The following SEZ6L variants were observed in gnomAD, a reference collection of about 807,000 sequenced individuals.
SEZ6L encodes seizure 6-like protein.
A neutral mutation model predicts 106.2 loss-of-function variants in SEZ6L; 37 were observed. The ratio of observed to expected loss-of-function variants is 0.35; its 90% CI spans 0.27 to 0.46. The LOEUF (loss-of-function observed/expected upper bound fraction) is 0.46, where lower values mean the gene tolerates loss of function less well. Among genes scored for constraint, SEZ6L ranks in the 20% least tolerant of loss-of-function variants. The pLI is 1.00. For missense variants in SEZ6L, 1,172 were observed against 1,332.8 expected, an observed-to-expected ratio of 0.88 and a Z score of 1.88; for synonymous variants, 541 against 570.4, an observed-to-expected ratio of 0.95 and a Z score of 0.73.
At chr22:26,282,022 C>T (rs993157370) in intron 1 of SEZ6L, among the ~76,000 whole-genome samples, 1 of 152,192 alleles carries the variant, frequency 6.6e-6, no homozygotes, top group Non-Finnish European at 1.5e-5. Context: ...TATCTTCTAG[C>T]CTTTTGCTGC....
intron 1 of SEZ6L, among the ~76,000 whole-genome samples, chr22:26,177,246 G>A (rs543201091): frequency 6.6e-6 from 1 of 152,214 alleles, no homozygotes; most frequent in East Asian, 1.9e-4. Context: ...GATTGCTGTA[G>A]AGGAAAACCA....
chr22:26,236,107 C>A (rs1288753255), intron 1 of SEZ6L, among the ~76,000 whole-genome samples: 1 of 152,354 alleles, frequency 6.6e-6, no homozygotes, highest in Non-Finnish European at 1.5e-5. Context: ...GCCTCCTTCC[C>A]GTCCACCAGT....
chr22:26,332,286 A>T (rs938177516), intron 9 of SEZ6L, among the ~76,000 whole-genome samples: 2 of 151,168 alleles, frequency 1.3e-5, no homozygotes, highest in Non-Finnish European at 2.9e-5. Flanking sequence ...AGTAGCTGGG[A>T]CTACAAGTGC....
At chr22:26,327,435 CAT>C (rs1461055891) in intron 9 of SEZ6L, among the ~76,000 whole-genome samples, 1 of 146,432 alleles carries the variant, frequency 6.8e-6, no homozygotes, top group Non-Finnish European at 1.5e-5. Context: ...ACAAACCACA[CAT>C]ATGACACTAC....
intron 1 of SEZ6L, among the ~76,000 whole-genome samples, chr22:26,273,487 C>T (rs2080438665): frequency 6.6e-6 from 1 of 152,274 alleles, no homozygotes; most frequent in African/African-American, 2.4e-5. Flanking sequence ...GGCCCACACA[C>T]ATCCGAGGCA....
At chr22:26,324,296 T>C (rs1285710359) in intron 9 of SEZ6L, among the ~76,000 whole-genome samples, 1 of 152,174 alleles carries the variant, frequency 6.6e-6, no homozygotes, top group Non-Finnish European at 1.5e-5. Context: ...TTTGCTCCTC[T>C]GCAGAGTTCC....
intron 9 of SEZ6L, among the ~76,000 whole-genome samples, chr22:26,315,454 G>C (rs1269628083): frequency 6.6e-6 from 1 of 152,064 alleles, no homozygotes; most frequent in Admixed American, 6.5e-5. Flanking sequence ...ACTCCAGCCT[G>C]GGTGACAGAG....
intron 15 of SEZ6L, among the ~76,000 whole-genome samples, chr22:26,376,857 G>A (rs1237940623): frequency 2.0e-5 from 3 of 152,202 alleles, no homozygotes; most frequent in Non-Finnish European, 4.4e-5. Flanking sequence ...GATCATCCCT[G>A]CCCTTATGGA....
At chr22:26,252,565 C>T (rs554013566) in intron 1 of SEZ6L, among the ~76,000 whole-genome samples, 2 of 152,054 alleles carry the variant, frequency 1.3e-5, no homozygotes, top group South Asian at 4.2e-4. Context: ...CAGTCTTGTC[C>T]CCCTCCCTCA....
At chr22:26,357,392 C>A (rs562728573) in intron 12 of SEZ6L, among the ~76,000 whole-genome samples, 81 of 152,210 alleles carry the variant, frequency 5.3e-4, no homozygotes, top group African/African-American at 1.8e-3. Context: ...TCTCATGGAG[C>A]CTGGGGCCTA....
At chr22:26,260,603 T>C (rs1158477445) in intron 1 of SEZ6L, among the ~76,000 whole-genome samples, 2 of 152,156 alleles carry the variant, frequency 1.3e-5, no homozygotes, top group Admixed American at 6.5e-5. Flanking sequence ...TATATATACA[T>C]ATCACAATTT....
rs371822368 is a variant in SEZ6L, at chr22:26,292,542, G to T, written c.231G>T (p.Ala77=). ...VTAPPSSSQS[A]EVLGELVLDG... ...CGCCCCCCAGTTCCTCACAGTCGGC[G>T]GAAGTGCTGGGCGAGCTGGTGCTGG... is the stretch of plus-strand genomic sequence containing the variant. Residue 77 remains alanine (A), a synonymous_variant, in exon 2 of 17, where the codon GCG becomes GCT. Coordinates refer to ENST00000248933, the MANE Select transcript of SEZ6L (RefSeq NM_021115.5). 3 of 1,613,814 alleles carry T rather than the reference G, an allele frequency of 1.9e-6. No homozygotes were observed. The East Asian group carries it at 6.7e-5, about 36-fold the overall frequency.
At chr22:26,254,105 A>G (rs1238995193) in intron 1 of SEZ6L, 1 of 152,214 alleles carries the variant, frequency 6.6e-6, no homozygotes, top group Non-Finnish European at 1.5e-5. Flanking sequence ...TTAAACCAAT[A>G]ACACTTGGTG....
chr22:26,266,293 G>A (rs1268634502), intron 1 of SEZ6L, among the ~76,000 whole-genome samples: 1 of 152,002 alleles, frequency 6.6e-6, no homozygotes, highest in Admixed American at 6.5e-5. Flanking sequence ...GGGCACGGTG[G>A]CTTACGCCTG....
chr22:26,175,130 G>A (rs1938890887), intron 1 of SEZ6L, among the ~76,000 whole-genome samples: 2 of 152,182 alleles, frequency 1.3e-5, no homozygotes, highest in Admixed American at 1.3e-4. Flanking sequence ...TTCATAGGAA[G>A]GGATGGTGTG....
intron 1 of SEZ6L, among the ~76,000 whole-genome samples, chr22:26,201,832 A>T (rs1335364163): frequency 1.3e-5 from 2 of 152,184 alleles, no homozygotes; most frequent in Non-Finnish European, 2.9e-5. Flanking sequence ...GTAGGAGACC[A>T]ATACATAGTA....
chr22:26,327,780 T>G (rs1601514358), intron 9 of SEZ6L, among the ~76,000 whole-genome samples: 1 of 152,154 alleles, frequency 6.6e-6, no homozygotes, highest in East Asian at 1.9e-4. Context: ...CTGATCAAGC[T>G]TCCCTCAAGG....
At position 26,337,282 on chromosome 22, in the gene SEZ6L, G is replaced by A. The variant is rs528943350; in HGVS notation, c.2016-3154G>A. 1.8e-4 allele frequency among the ~76,000 whole-genome samples: 27 copies of A among 152,274 alleles called. No individual in the cohort carries two copies. The South Asian group carries it at 3.1e-3, about 18-fold the overall frequency. Reference sequence around the variant, plus strand: ...ATTTTATGGAGAACAAAGAGTTGCCGTATGGTTTTAAAATGAAAGCTATTT... The same window carrying A: ...ATTTTATGGAGAACAAAGAGTTGCCATATGGTTTTAAAATGAAAGCTATTT... On this transcript the variant is annotated intron_variant, in intron 9 of 16. Coordinates refer to ENST00000248933, the MANE Select transcript of SEZ6L (RefSeq NM_021115.5).
intron 1 of SEZ6L, among the ~76,000 whole-genome samples, chr22:26,255,713 C>T (rs713625): frequency 0.36 from 55,516 of 152,148 alleles, 10,426 homozygotes; most frequent in East Asian, 0.62. Context: ...ATAGCAAAAG[C>T]ATCCCCAGAG....
Sources: allele counts gnomAD v4.1 joint callset (sites outside exome capture counted in the v4.1 genomes callset), GRCh38; gene constraint gnomAD v4.1.1; transcripts MANE v1.5; gene names NCBI Gene and HGNC (gene_info 2026-07-23, HGNC 2026-07-21).